Variants in BBS2 observed in about 807,000 individuals in gnomAD.
BBS2 encodes BBSome complex member BBS2.
A neutral mutation model predicts 83.0 loss-of-function variants in BBS2; 62 were observed. The observed-to-expected ratio is 0.75, with a 90% CI of 0.61 to 0.92. BBS2 has a LOEUF of 0.92. Among genes scored for constraint, BBS2 ranks in the 40% least tolerant of loss-of-function variants. The pLI is 0.00. For missense variants in BBS2, 784 were observed against 901.0 expected (o/e 0.87, Z 1.66); for synonymous variants, 303 against 326.1 (o/e 0.93, Z 0.76).
chr16:56,505,760 T>A (rs568027473), intron 7 of BBS2, among the ~76,000 whole-genome samples, 190 bp downstream of exon 7: 83 of 152,276 alleles, frequency 5.5e-4, no homozygotes, highest in African/African-American at 1.9e-3. Context: ...AGACTTACAC[T>A]CTCTCACTGT....
chr16:56,504,911 G>T (rs1159044353), intron 7 of BBS2, among the ~76,000 whole-genome samples: 1 of 152,210 alleles, frequency 6.6e-6, no homozygotes, highest in African/African-American at 2.4e-5. Context: ...CATAAGGGCA[G>T]AGCCCCCATG....
At chr16:56,473,070 A>AC (rs1963277171) in intron 17 of BBS2, among the ~76,000 whole-genome samples, 1 of 152,164 alleles carries the variant, frequency 6.6e-6, no homozygotes, top group Non-Finnish European at 1.5e-5. Flanking sequence ...AGCTGGGACT[A>AC]CAGGCGCATG....
At chr16:56,493,337 G>A (rs994314331) in intron 15 of BBS2, among the ~76,000 whole-genome samples, 9 of 131,186 alleles carry the variant, frequency 6.9e-5, no homozygotes, top group Non-Finnish European at 9.4e-5. Flanking sequence ...AGTGAGCTGT[G>A]ATTGCATCAC....
intron 5 of BBS2, 155 bp downstream of exon 5, chr16:56,509,802 A>G (rs1964526538): frequency 1.5e-6 from 1 of 666,328 alleles, no homozygotes; most frequent in Non-Finnish European, 2.7e-6. Context: ...TGCTTTTCTT[A>G]CCATAACATA....
At chr16:56,470,933 C>G (rs1402186072) in intron 17 of BBS2, 4 of 801,306 alleles carry the variant, frequency 5.0e-6, no homozygotes, top group Non-Finnish European at 3.9e-6. Context: ...GACAAGGTCT[C>G]TGGTCTTTGG....
chr16:56,474,999 G>A (rs767780639), intron 17 of BBS2: 1 of 1,600,064 alleles, frequency 6.2e-7, no homozygotes, highest in Admixed American at 1.7e-5. Context: ...AGGAGGGGCA[G>A]TCTCTTCTGA....
intron 17 of BBS2, among the ~76,000 whole-genome samples, chr16:56,472,856 A>G (rs1320009997): frequency 6.6e-6 from 1 of 152,152 alleles, no homozygotes; most frequent in Non-Finnish European, 1.5e-5. Flanking sequence ...ATCCTTTATA[A>G]CAATAGAACA....
intron 15 of BBS2, among the ~76,000 whole-genome samples, chr16:56,491,213 T>C (rs1185259721): frequency 6.6e-6 from 1 of 152,112 alleles, no homozygotes; most frequent in African/African-American, 2.4e-5. Flanking sequence ...CATGTTGAAG[T>C]TGAAATGCCA....
At chr16:56,496,298 TATTCAGAAAA>T (rs1390392364) in intron 15 of BBS2, among the ~76,000 whole-genome samples, 2 of 152,236 alleles carry the variant, frequency 1.3e-5, no homozygotes, top group Non-Finnish European at 2.9e-5. Context: ...AAATGTTACA[TATTCAGAAAA>T]ATTCAGAATA....
At chr16:56,491,353 A>C (rs1277809488) in intron 15 of BBS2, among the ~76,000 whole-genome samples, 1 of 152,166 alleles carries the variant, frequency 6.6e-6, no homozygotes, top group Non-Finnish European at 1.5e-5. Context: ...GAATGAAGTT[A>C]TCAAAAGAGC....
intron 1 of BBS2, 188 bp downstream of exon 1, chr16:56,519,558 T>C (rs1597032887): frequency 3.4e-6 from 2 of 587,370 alleles, no homozygotes; most frequent in East Asian, 5.7e-5. Flanking sequence ...CGTCAACTTC[T>C]CAGAAAAGCT....
At chr16:56,494,246 G>A (rs1964048035) in intron 15 of BBS2, among the ~76,000 whole-genome samples, 1 of 148,828 alleles carries the variant, frequency 6.7e-6, no homozygotes, top group African/African-American at 2.5e-5. Context: ...GGGATTACAA[G>A]TGTAAACTAC....
chr16:56,489,416 T>C (rs964964729), intron 15 of BBS2, among the ~76,000 whole-genome samples: 5 of 151,736 alleles, frequency 3.3e-5, no homozygotes, highest in Non-Finnish European at 7.4e-5. Flanking sequence ...GTACAGAAAA[T>C]CCAGAAATAG....
At chr16:56,504,074 G>C (rs1392945324) in intron 7 of BBS2, among the ~76,000 whole-genome samples, 1 of 152,118 alleles carries the variant, frequency 6.6e-6, no homozygotes, top group Non-Finnish European at 1.5e-5. Context: ...GCAAAACTTT[G>C]CAACCAAAAC....
chr16:56,514,329 G>A (rs1964668985), intron 2 of BBS2, 124 bp downstream of exon 2: 3 of 885,068 alleles, frequency 3.4e-6, no homozygotes, highest in Admixed American at 4.5e-5. Context: ...TCTCCATGTT[G>A]TTTACCTATA....
rs17341965 is a variant in BBS2 at position 56,484,445 on chromosome 16, T to C, written c.*316A>G. 5.8e-3 allele frequency: 1,224 copies of C among 209,394 alleles called. 8 individuals are homozygous for C. The highest frequency in any genetic ancestry group is 0.026 in the African/African-American group (1,159 of 43,758). The allele number at this position is 209,394 out of a possible 1,614,324, so 13.0% of individuals were successfully genotyped here. A position where few individuals can be genotyped will look rare whatever the true frequency, so the allele number is the denominator to read the frequency against. ...ATCTATTTGAAAAGTACAAACTCAATTGCAATTTCAAGAAAAAAATATGTA... is the reference window on the plus strand; with the variant it reads ...ATCTATTTGAAAAGTACAAACTCAACTGCAATTTCAAGAAAAAAATATGTA... On this transcript the variant is annotated 3_prime_UTR_variant, in exon 17 of 17. Coordinates refer to ENST00000245157, the MANE Select transcript of BBS2 (RefSeq NM_031885.5).
At chr16:56,498,725 T>C in intron 12 of BBS2, 157 bp from the exon 13 acceptor site, 1 of 1,517,488 alleles carries the variant, frequency 6.6e-7, no homozygotes, top group Non-Finnish European at 8.8e-7. Flanking sequence ...AAAAGAATTA[T>C]ACTTCATCCC....
chr16:56,484,673 G>T lies in BBS2; in HGVS notation c.*88C>A. The T allele has an allele frequency of 3.7e-6, 4 of 1,094,696 alleles. No individual in the cohort carries two copies. The highest frequency in any genetic ancestry group is 2.0e-4 in the Middle Eastern group (1 of 5,020). The allele number at this position is 1,094,696 out of a possible 1,614,324, so 67.8% of individuals were successfully genotyped here. ...GTTATTTTCATTCTTAGCACCCGGG[G>T]TTCACCAGGGTGTGATCCAAAGCAA... On this transcript the variant is annotated 3_prime_UTR_variant, in exon 17 of 17. Coordinates refer to ENST00000245157, the MANE Select transcript of BBS2 (RefSeq NM_031885.5).
intron 15 of BBS2, among the ~76,000 whole-genome samples, chr16:56,487,486 T>A (rs1204294311): frequency 6.6e-6 from 1 of 151,986 alleles, no homozygotes; most frequent in Non-Finnish European, 1.5e-5. Context: ...TTTACAATTA[T>A]AAAATATTTC....
Sources: gnomAD v4.1 joint callset for allele counts (sites outside exome capture counted in the v4.1 genomes callset) on GRCh38, gnomAD v4.1.1 for gene constraint, MANE v1.5 for transcripts, NCBI Gene and HGNC (gene_info 2026-07-23, HGNC 2026-07-21) for gene names.